The following PTPRD variants were observed in gnomAD, a reference collection of about 807,000 sequenced individuals.
PTPRD encodes the protein protein tyrosine phosphatase receptor type D, also known as receptor-type tyrosine-protein phosphatase delta.
In PTPRD, 34 loss-of-function variants were observed where a neutral mutation model predicts 214.5. The ratio of observed to expected loss-of-function variants is 0.16; its 90% confidence interval spans 0.12 to 0.21. The LOEUF is 0.21. Among genes scored for constraint, PTPRD ranks in the 10% least tolerant of loss-of-function variants. The pLI is 1.00. For synonymous variants in PTPRD, 1,128 were observed against 845.7 expected (o/e 1.33, Z -5.79); for missense variants, 2,545 against 2,398.7 (o/e 1.06, Z -1.27).
intron 7 of PTPRD, among the ~76,000 whole-genome samples, chr9:9,627,794 A>C (rs2095470341): frequency 6.6e-6 from 1 of 152,190 alleles, no homozygotes; most frequent in Non-Finnish European, 1.5e-5. Flanking sequence ...TATGTGACTG[A>C]CTTTCCTTTA....
chr9:9,206,101 C>G (rs1263478740), intron 9 of PTPRD, among the ~76,000 whole-genome samples: 1 of 152,084 alleles, frequency 6.6e-6, no homozygotes, highest in East Asian at 1.9e-4. Flanking sequence ...GCTTTTAGAG[C>G]ATTCTAGAGG....
At chr9:9,066,168 A>C (rs2099731636) in intron 10 of PTPRD, among the ~76,000 whole-genome samples, 1 of 152,144 alleles carries the variant, frequency 6.6e-6, no homozygotes, top group Non-Finnish European at 1.5e-5. Context: ...TTTGATATTA[A>C]TGTTATCCTA....
At chr9:8,685,385 C>T (rs988536010) in intron 12 of PTPRD, among the ~76,000 whole-genome samples, 2 of 152,010 alleles carry the variant, frequency 1.3e-5, no homozygotes, top group Non-Finnish European at 2.9e-5. Context: ...TTGAAGGTTC[C>T]AGGAACAAAA....
At chr9:9,072,384 C>T (rs2099745066) in intron 10 of PTPRD, among the ~76,000 whole-genome samples, 1 of 151,570 alleles carries the variant, frequency 6.6e-6, no homozygotes, top group South Asian at 2.1e-4. Context: ...AGATTGCTAC[C>T]AGACTATACA....
At chr9:10,019,211 T>C (rs1269927860) in intron 4 of PTPRD, among the ~76,000 whole-genome samples, 2 of 151,976 alleles carry the variant, frequency 1.3e-5, no homozygotes, top group Non-Finnish European at 2.9e-5. Context: ...GAAATGCAAA[T>C]CAAAACCACA....
chr9:9,577,183 G>A (rs1396786192), intron 7 of PTPRD, among the ~76,000 whole-genome samples: 1 of 152,120 alleles, frequency 6.6e-6, no homozygotes, highest in Non-Finnish European at 1.5e-5. Flanking sequence ...ATACAAGAAG[G>A]TCAAAGCAGA....
At chr9:10,293,301 G>C (rs970795386) in intron 3 of PTPRD, among the ~76,000 whole-genome samples, 1 of 151,806 alleles carries the variant, frequency 6.6e-6, no homozygotes, top group East Asian at 1.9e-4. Flanking sequence ...TGTAAATAAT[G>C]ATTCTTTTTC....
intron 11 of PTPRD, among the ~76,000 whole-genome samples, chr9:8,971,946 C>G (rs1186552123): frequency 6.6e-6 from 1 of 151,744 alleles, no homozygotes; most frequent in East Asian, 1.9e-4. Context: ...AGATTTGAAT[C>G]AAGCTATACT....
chr9:8,711,033 CTTTAT>C (rs1223907613), intron 12 of PTPRD, among the ~76,000 whole-genome samples: 3 of 149,386 alleles, frequency 2.0e-5, no homozygotes, highest in Admixed American at 6.6e-5. Context: ...AAGTATCTTA[CTTTAT>C]TTTAATGTCA....
intron 9 of PTPRD, among the ~76,000 whole-genome samples, chr9:9,388,119 C>A (rs7046028): frequency 1.4e-4 from 21 of 152,142 alleles, no homozygotes; most frequent in African/African-American, 5.1e-4. Flanking sequence ...ATGGGGGAGC[C>A]AGAAGGGAAA....
chr9:10,361,120 A>G (rs1598083216), intron 2 of PTPRD, among the ~76,000 whole-genome samples: 1 of 152,216 alleles, frequency 6.6e-6, no homozygotes, highest in East Asian at 1.9e-4. Context: ...CAAACAAATA[A>G]ACAAAAAATT....
At chr9:10,214,834 G>C (rs2099534026) in intron 3 of PTPRD, among the ~76,000 whole-genome samples, 1 of 151,960 alleles carries the variant, frequency 6.6e-6, no homozygotes. Context: ...TTTTACTCTT[G>C]GGACAAGACT....
At chr9:9,739,732 C>A (rs893571407) in intron 6 of PTPRD, among the ~76,000 whole-genome samples, 5 of 151,544 alleles carry the variant, frequency 3.3e-5, no homozygotes, top group African/African-American at 1.2e-4. Flanking sequence ...TTTATTATTT[C>A]TCTTCTTTTG....
intron 5 of PTPRD, among the ~76,000 whole-genome samples, chr9:9,885,496 T>C (rs756748609): frequency 3.9e-5 from 6 of 151,946 alleles, no homozygotes; most frequent in Non-Finnish European, 8.8e-5. Context: ...GTCCTACAGA[T>C]GGATATATTA....
At chr9:8,504,115 A>C (rs1195001324) in intron 23 of PTPRD, 146 bp downstream of exon 23, 2 of 754,918 alleles carry the variant, frequency 2.6e-6, no homozygotes, top group Admixed American at 2.7e-5. Context: ...TCACAGTTAC[A>C]CTTTCACCTG....
intron 3 of PTPRD, among the ~76,000 whole-genome samples, chr9:10,199,524 C>A (rs1473080332): frequency 1.3e-5 from 2 of 152,034 alleles, no homozygotes; most frequent in Non-Finnish European, 2.9e-5. Context: ...GAATTAGAAA[C>A]AGTGAGAACC....
At chr9:9,851,333 G>C (rs2060505289) in intron 5 of PTPRD, among the ~76,000 whole-genome samples, 2 of 152,192 alleles carry the variant, frequency 1.3e-5, no homozygotes, top group Non-Finnish European at 2.9e-5. Context: ...CGTCAGGCCA[G>C]CCTTGGCATG....
intron 39 of PTPRD, among the ~76,000 whole-genome samples, chr9:8,359,111 A>C (rs959869002): frequency 2.8e-4 from 7 of 25,386 alleles, no homozygotes; most frequent in African/African-American, 6.9e-4. Flanking sequence ...CCGTCTCAAA[A>C]AAAAAAAAAA....
intron 12 of PTPRD, among the ~76,000 whole-genome samples, chr9:8,718,882 C>T (rs781527655): frequency 6.6e-6 from 1 of 152,118 alleles, no homozygotes; most frequent in Non-Finnish European, 1.5e-5. Flanking sequence ...CGAGCGTTTG[C>T]TGCTGGATCA....
Sources: allele counts gnomAD v4.1 joint callset (sites outside exome capture counted in the v4.1 genomes callset), GRCh38; gene constraint gnomAD v4.1.1; transcripts MANE v1.5; gene names NCBI Gene and HGNC (gene_info 2026-07-23, HGNC 2026-07-21).